Variants in ALLC observed in about 807,000 individuals in gnomAD.
ALLC encodes the protein probable inactive allantoicase.
A neutral mutation model predicts 45.0 loss-of-function variants in ALLC; 40 were observed. That is an observed-to-expected ratio of 0.89 (90% confidence interval 0.69 to 1.16). The LOEUF (loss-of-function observed/expected upper bound fraction) is 1.16. ALLC is among the 50% of genes most tolerant of loss of function. The probability of loss-of-function intolerance (pLI) is 0.00; values close to 1 mark genes in which losing one functional copy is unlikely to be tolerated. For missense variants in ALLC, 488 were observed against 493.1 expected, an observed-to-expected ratio of 0.99 and a Z score of 0.10; for synonymous variants, 176 against 178.1, an observed-to-expected ratio of 0.99 and a Z score of 0.09.
At chr2:3,651,322 T>G in the ALLC span, among the ~76,000 whole-genome samples, 94 of 1,758 alleles carry the variant, frequency 0.053, 5 homozygotes, top group African/African-American at 0.098. Context: ...GTGGGGGGGG[T>G]GTGTGTGTGT....
chr2:3,651,211 G>A, the ALLC span, among the ~76,000 whole-genome samples: 8 of 151,750 alleles, frequency 5.3e-5, no homozygotes, highest in African/African-American at 1.9e-4. Context: ...AAAAGAGGAC[G>A]AGGACGGCGG....
At chr2:3,647,466 C>T in the ALLC span, among the ~76,000 whole-genome samples, 1 of 152,108 alleles carries the variant, frequency 6.6e-6, no homozygotes, top group Admixed American at 6.5e-5. Context: ...GCAGAGTATT[C>T]CAGAGTGTGG....
rs114704726 is a variant in ALLC at position 3,669,798 on chromosome 2, G to A, written c.-62-1298G>A. On this transcript the variant is annotated intron_variant, in intron 1 of 11. Coordinates refer to ENST00000252505, the MANE Select transcript of ALLC (RefSeq NM_018436.4). ...CCAGGAGGATGGGGCTGCTCCTCCC[G>A]GAGGTGGGAGGCTGCGATGGGGCAG... Among the ~76,000 whole-genome samples the A allele has an allele frequency of 8.5e-3, 1,295 of 152,306 alleles. 5 individuals are homozygous for A. The highest frequency in any genetic ancestry group is 0.023 in the East Asian group (120 of 5,180).
chr2:3,695,062 A>C (rs556188815), intron 7 of ALLC: 18 of 152,386 alleles, frequency 1.2e-4, no homozygotes, highest in African/African-American at 4.3e-4. Flanking sequence ...TAAAAATAAA[A>C]ACATAAGGTT....
At chr2:3,701,435 T>TA (rs2148026382) in intron 10 of ALLC, 77 bp from the exon 11 acceptor site, 1 of 1,434,866 alleles carries the variant, frequency 7.0e-7, no homozygotes, top group East Asian at 2.6e-5. Flanking sequence ...TTGATCTTAT[T>TA]AAAAAAGCAT....
intron 1 of ALLC, among the ~76,000 whole-genome samples, chr2:3,666,506 C>A (rs1666728616): frequency 6.6e-6 from 1 of 151,916 alleles, no homozygotes; most frequent in South Asian, 2.1e-4. Context: ...GTAACCCGCC[C>A]ACGCTGCAGC....
chr2:3,695,800 G>A lies in ALLC; in HGVS notation c.595G>A (p.Val199Met), dbSNP rs1667650721. The A allele has an allele frequency of 6.2e-7, 1 of 1,614,050 alleles. No homozygotes were observed. Among genetic ancestry groups the A allele is most frequent in the Admixed American group, 1.7e-5 (1 of 60,024 alleles). ...ATDPKEPADL[V>M]AIAFGGVCVG... is the part of the protein sequence containing the mutation. Reference sequence around the variant, plus strand: ...TGACCCCAAAGAACCTGCAGACCTAGTGGCCATCGCTTTTGGGGGTGTCTG... The same window carrying A: ...TGACCCCAAAGAACCTGCAGACCTAATGGCCATCGCTTTTGGGGGTGTCTG... The change falls in exon 8 of 12, where the codon GTG becomes ATG. Residue 199 changes from valine to methionine, a missense_variant. By Grantham distance (21) the Val-to-Met change is conservative. Transcript: ENST00000252505.
At chr2:3,651,425 G>T in the ALLC span, among the ~76,000 whole-genome samples, 1 of 58,422 alleles carries the variant, frequency 1.7e-5, no homozygotes, top group African/African-American at 5.2e-5. Context: ...GTGTGTGTGT[G>T]TGTGTGTGTG....
chr2:3,660,367 T>C (rs1393035313), intron 1 of ALLC, among the ~76,000 whole-genome samples: 4 of 152,086 alleles, frequency 2.6e-5, no homozygotes, highest in Non-Finnish European at 5.9e-5. Context: ...AGTAAACCCC[T>C]TTTTTTAATG....
the ALLC span, among the ~76,000 whole-genome samples, chr2:3,646,646 G>A: frequency 1.7e-4 from 26 of 152,308 alleles, no homozygotes; most frequent in African/African-American, 4.3e-4. Flanking sequence ...CCGTCAGAGC[G>A]ACCAGGCTTT....
At chr2:3,676,596 G>C (rs1210641242) in intron 3 of ALLC, among the ~76,000 whole-genome samples, 2 of 152,202 alleles carry the variant, frequency 1.3e-5, no homozygotes, top group Admixed American at 1.3e-4. Context: ...TGGTGCTGAT[G>C]TGTGTAGACC....
intron 2 of ALLC, among the ~76,000 whole-genome samples, chr2:3,671,485 A>C (rs1666866825): frequency 6.6e-6 from 1 of 152,200 alleles, no homozygotes; most frequent in African/African-American, 2.4e-5. Flanking sequence ...GAGGTCCTCT[A>C]GCTGGAGTTA....
chr2:3,670,879 G>A (rs1182979726), intron 1 of ALLC, among the ~76,000 whole-genome samples: 1 of 111,644 alleles, frequency 9.0e-6, no homozygotes, highest in Non-Finnish European at 2.0e-5. Context: ...AGGAAGCCAT[G>A]TTCTAATTCC....
intron 1 of ALLC, among the ~76,000 whole-genome samples, chr2:3,664,913 C>G (rs558171079): frequency 4.0e-5 from 6 of 151,554 alleles, no homozygotes; most frequent in African/African-American, 1.2e-4. Context: ...AAAACCCCCC[C>G]CCAAACCAGA....
In ALLC at chr2:3,683,001, T is replaced by C. The variant is rs1558542541; in HGVS notation, c.438T>C (p.Pro146=). The change falls in exon 7 of 12, where the codon CCT becomes CCC. Residue 146 remains proline, a synonymous_variant. Transcript: ENST00000252505. ...TGACTGAGCTTAAGCCAGGAAACCC[T>C]GCTTCCGGCCACAACTATTTTCTTG... The part of the protein sequence containing the change: ...VPMTELKPGN[P]ASGHNYFLVN... The C allele has an allele frequency of 1.2e-6, 2 of 1,614,010 alleles. No homozygotes were observed. The highest frequency in any genetic ancestry group is 1.7e-6 in the Non-Finnish European group (2 of 1,179,862).
intron 3 of ALLC, among the ~76,000 whole-genome samples, chr2:3,675,387 C>CAA (rs11379495): frequency 0.024 from 2,636 of 109,586 alleles, 77 homozygotes; most frequent in African/African-American, 0.07. Flanking sequence ...AAGACCCTGT[C>CAA]AAAAAAAAAA....
At chr2:3,646,943 C>T in the ALLC span, among the ~76,000 whole-genome samples, 1 of 81,852 alleles carries the variant, frequency 1.2e-5, no homozygotes, top group Admixed American at 1.4e-4. Context: ...GGAGGGTTGT[C>T]ACTGAGCAGG....
chr2:3,681,643 C>T lies in ALLC; in HGVS notation c.308C>T (p.Pro103Leu). Residue 103 changes from proline (P) to leucine (L), a missense_variant, in exon 6 of 12, where the codon CCA (proline) becomes CTA (leucine). Coordinates refer to ENST00000252505, the MANE Select transcript of ALLC (RefSeq NM_018436.4). ...QAANLEEDKL[P>L]EIPERGTRTG... ...GTCATTCCAACTACAGATAAACTAC[C>T]AGAAATCCCAGAAAGAGGAACCAGG... 1.9e-6 allele frequency: 3 copies of T among 1,608,922 alleles called. No homozygotes were observed. Among genetic ancestry groups the T allele is most frequent in the Non-Finnish European group, 2.5e-6 (3 of 1,177,406 alleles).
chr2:3,676,272 C>G (rs1667022488), intron 3 of ALLC, among the ~76,000 whole-genome samples: 1 of 152,120 alleles, frequency 6.6e-6, no homozygotes, highest in South Asian at 2.1e-4. Context: ...ACTTAGCATT[C>G]TGCACACTTT....
Sources: gnomAD v4.1 joint callset for allele counts (sites outside exome capture counted in the v4.1 genomes callset) on GRCh38, gnomAD v4.1.1 for gene constraint, MANE v1.5 for transcripts, NCBI Gene and HGNC (gene_info 2026-07-23, HGNC 2026-07-21) for gene names.